Variants in CTDSPL observed in about 807,000 individuals in gnomAD.
CTDSPL encodes the protein CTD small phosphatase-like protein.
Under a neutral mutation model 30.5 loss-of-function variants are expected in CTDSPL, and 8 were observed. That is an observed-to-expected ratio of 0.26 (90% CI 0.15 to 0.47). CTDSPL has a LOEUF of 0.47. Among genes scored for constraint, CTDSPL ranks in the 20% least tolerant of loss-of-function variants. The pLI is 0.99. For missense variants in CTDSPL, 248 were observed against 366.1 expected, an observed-to-expected ratio of 0.68 and a Z score of 2.63; for synonymous variants, 110 against 137.9, an observed-to-expected ratio of 0.80 and a Z score of 1.42.
At chr3:37,904,866 G>A (rs1411633587) in intron 1 of CTDSPL, among the ~76,000 whole-genome samples, 1 of 152,128 alleles carries the variant, frequency 6.6e-6, no homozygotes, top group African/African-American at 2.4e-5. Flanking sequence ...TGGATTTCCT[G>A]CCTCTAGGTC....
At chr3:37,877,831 C>T (rs558915781) in intron 1 of CTDSPL, among the ~76,000 whole-genome samples, 36 of 152,108 alleles carry the variant, frequency 2.4e-4, no homozygotes, top group South Asian at 1.7e-3. Context: ...AGAGAGAGAG[C>T]GAGGAGGTCT....
intron 4 of CTDSPL, among the ~76,000 whole-genome samples, chr3:37,966,440 G>A (rs1453375484): frequency 1.3e-5 from 2 of 152,226 alleles, no homozygotes; most frequent in South Asian, 2.1e-4. Context: ...CAGCAGGAGA[G>A]AGGAGAGTAA....
chr3:37,983,962 T>TA lies in CTDSPL; in HGVS notation c.*3106dup, dbSNP rs372254919. On this transcript the variant is annotated 3_prime_UTR_variant, in exon 8 of 8. Transcript: ENST00000273179. The stretch of plus-strand genomic sequence containing the variant: ...GTTGCAGCATTTGAACTTTTGGTGT[T>TA]AAAAAAAAAAACCTGTAAGTCTGTA... The TA allele has an allele frequency of 0.031, 6,325 of 202,482 alleles. 130 individuals carry two copies. The highest frequency in any genetic ancestry group is 0.08 in the African/African-American group (3,429 of 42,896). 12.5% of individuals were successfully genotyped at this position (202,482 alleles called of 1,614,324 possible). A position where few individuals can be genotyped will look rare whatever the true frequency, so the allele number is the denominator to read the frequency against.
intron 7 of CTDSPL, among the ~76,000 whole-genome samples, chr3:37,977,154 A>G (rs1450338245): frequency 6.6e-6 from 1 of 152,242 alleles, no homozygotes; most frequent in Non-Finnish European, 1.5e-5. Context: ...AACATAATAT[A>G]TTTGGTAACG....
intron 1 of CTDSPL, among the ~76,000 whole-genome samples, chr3:37,901,981 A>G (rs1698455460): frequency 6.6e-6 from 1 of 152,158 alleles, no homozygotes; most frequent in Admixed American, 6.5e-5. Flanking sequence ...TGGTTGCGAG[A>G]TGGCTGCTGC....
At chr3:37,978,686 C>T (rs1384846237) in intron 7 of CTDSPL, among the ~76,000 whole-genome samples, 5 of 152,158 alleles carry the variant, frequency 3.3e-5, no homozygotes, top group Non-Finnish European at 7.4e-5. Flanking sequence ...CAACCTGTAG[C>T]TTCCTTACTT....
intron 1 of CTDSPL, among the ~76,000 whole-genome samples, chr3:37,945,620 C>T (rs543046706): frequency 2.0e-5 from 3 of 152,328 alleles, no homozygotes; most frequent in South Asian, 2.1e-4. Context: ...TGAAATGAGA[C>T]GCCTGAAATG....
chr3:37,927,486 G>T (rs1294474684), intron 1 of CTDSPL, among the ~76,000 whole-genome samples: 1 of 152,032 alleles, frequency 6.6e-6, no homozygotes, highest in Non-Finnish European at 1.5e-5. Flanking sequence ...TTTTGGATAA[G>T]GGATCTTCAG....
At chr3:37,956,857 T>C (rs776239172) in intron 2 of CTDSPL, among the ~76,000 whole-genome samples, 11 of 152,190 alleles carry the variant, frequency 7.2e-5, no homozygotes, top group Non-Finnish European at 1.6e-4. Context: ...AGGTGCTATT[T>C]AAATACACAA....
At chr3:37,958,710 A>G (rs1026502033) in intron 3 of CTDSPL, among the ~76,000 whole-genome samples, 4 of 152,242 alleles carry the variant, frequency 2.6e-5, no homozygotes, top group Admixed American at 6.5e-5. Flanking sequence ...TGATAGATCA[A>G]TAAACTGCTG....
intron 1 of CTDSPL, among the ~76,000 whole-genome samples, chr3:37,874,231 C>A (rs1049303987): frequency 3.3e-5 from 5 of 152,190 alleles, no homozygotes; most frequent in Non-Finnish European, 5.9e-5. Context: ...GGGGAAGAAC[C>A]CCGTTTGGCA....
At chr3:37,925,928 T>C (rs1336619027) in intron 1 of CTDSPL, among the ~76,000 whole-genome samples, 4 of 152,228 alleles carry the variant, frequency 2.6e-5, no homozygotes, top group African/African-American at 9.6e-5. Context: ...TGACGTACTC[T>C]ATATTTTACA....
At chr3:37,971,968 A>G (rs949709361) in intron 6 of CTDSPL, among the ~76,000 whole-genome samples, 4 of 152,246 alleles carry the variant, frequency 2.6e-5, no homozygotes, top group Admixed American at 2.0e-4. Flanking sequence ...AATGAGCTGT[A>G]TGATCTGAGG....
At chr3:37,921,590 A>G (rs1236725984) in intron 1 of CTDSPL, among the ~76,000 whole-genome samples, 2 of 147,886 alleles carry the variant, frequency 1.4e-5, no homozygotes, top group Non-Finnish European at 3.0e-5. Context: ...GGTCGATATA[A>G]GAAACAACCC....
At chr3:37,889,773 C>G (rs1468089304) in intron 1 of CTDSPL, among the ~76,000 whole-genome samples, 1 of 152,062 alleles carries the variant, frequency 6.6e-6, no homozygotes, top group African/African-American at 2.4e-5. Flanking sequence ...TTGTCCCAAA[C>G]AAACTGATGA....
intron 5 of CTDSPL, chr3:37,969,283 A>G: frequency 2.2e-6 from 1 of 453,410 alleles, no homozygotes; most frequent in Non-Finnish European, 4.5e-6. Flanking sequence ...GAGCTCCCCC[A>G]CCCTCCATCC....
chr3:37,893,503 C>T (rs897013012), intron 1 of CTDSPL, among the ~76,000 whole-genome samples: 2 of 152,210 alleles, frequency 1.3e-5, no homozygotes, highest in Non-Finnish European at 2.9e-5. Context: ...AATATTGACT[C>T]AATCTCAACC....
chr3:37,968,928 C>G (rs943983671), intron 5 of CTDSPL, among the ~76,000 whole-genome samples: 2 of 152,210 alleles, frequency 1.3e-5, no homozygotes, highest in Non-Finnish European at 2.9e-5. Flanking sequence ...CATGTCCTTG[C>G]TTTCTTGCTT....
chr3:37,948,721 T>C (rs929059331), intron 2 of CTDSPL, among the ~76,000 whole-genome samples: 26 of 151,986 alleles, frequency 1.7e-4, no homozygotes, highest in Non-Finnish European at 3.5e-4. Context: ...AGAAAAATGT[T>C]GCACATATAA....
Sources: gnomAD v4.1 joint callset for allele counts (sites outside exome capture counted in the v4.1 genomes callset) on GRCh38, gnomAD v4.1.1 for gene constraint, MANE v1.5 for transcripts, NCBI Gene and HGNC (gene_info 2026-07-23, HGNC 2026-07-21) for gene names.